SH3GLB1: variants seen among roughly 807,000 people sequenced by gnomAD.
SH3GLB1 encodes SH3 domain containing GRB2 like, endophilin B1.
SH3GLB1 carries 17 observed loss-of-function variants against 42.0 expected under a neutral mutation model. That is an observed-to-expected ratio of 0.40 (90% CI 0.28 to 0.61). The LOEUF is 0.61. Among genes scored for constraint, SH3GLB1 ranks in the 20% least tolerant of loss-of-function variants. The probability of loss-of-function intolerance (pLI) is 0.36; values close to 1 mark genes in which losing one functional copy is unlikely to be tolerated. For synonymous variants in SH3GLB1, 132 were observed against 146.6 expected, an observed-to-expected ratio of 0.90 and a Z score of 0.72; for missense variants, 355 against 426.3, an observed-to-expected ratio of 0.83 and a Z score of 1.47.
At chr1:86,706,506 A>G (rs1157815863) in intron 1 of SH3GLB1, among the ~76,000 whole-genome samples, 1 of 152,188 alleles carries the variant, frequency 6.6e-6, no homozygotes, top group East Asian at 1.9e-4. Context: ...TTTATAGTTA[A>G]AATAATGTTT....
intron 1 of SH3GLB1, among the ~76,000 whole-genome samples, chr1:86,707,229 A>C (rs1653921439): frequency 6.6e-6 from 1 of 152,228 alleles, no homozygotes; most frequent in Non-Finnish European, 1.5e-5. Context: ...TGGTCAGGGC[A>C]AGTCTTTCTA....
At position 86,731,120 on chromosome 1, in the gene SH3GLB1, C is replaced by A. The variant is rs114882344; in HGVS notation, c.571-3482C>A. 5.7e-3 allele frequency among the ~76,000 whole-genome samples: 872 copies of A among 152,230 alleles called. 8 individuals carry two copies. The highest frequency in any genetic ancestry group is 0.021 in the African/African-American group (857 of 41,530). On this transcript the variant is annotated intron_variant, in intron 5 of 8. Transcript: ENST00000370558. ...TCTAATCTTCTGTGGGCTGGGAAAG[C>A]AAGTAATTAAACAAGAATTTAAGGG...
intron 2 of SH3GLB1, among the ~76,000 whole-genome samples, chr1:86,718,920 T>G (rs2101934710): frequency 6.6e-6 from 1 of 152,344 alleles, no homozygotes; most frequent in Non-Finnish European, 1.5e-5. Flanking sequence ...CTTGTATACT[T>G]TAAACATAAA....
intron 7 of SH3GLB1, among the ~76,000 whole-genome samples, chr1:86,741,892 A>G (rs531930444): frequency 6.6e-6 from 1 of 152,274 alleles, no homozygotes; most frequent in East Asian, 1.9e-4. Flanking sequence ...ATTTATAAAG[A>G]AAAGATTAAG....
rs1396366009 is a variant in SH3GLB1, at chr1:86,724,880, A to T, written c.570+475A>T. ...CAGAGCCAGACCCTGTCTTTAAAAA[A>T]AAAAAAAAAAAAATATATATATATA... On this transcript the variant is annotated intron_variant, in intron 5 of 8. Coordinates refer to ENST00000370558, the MANE Select transcript of SH3GLB1 (RefSeq NM_016009.5). 4.8e-5 allele frequency among the ~76,000 whole-genome samples: 5 copies of T among 103,866 alleles called. 1 individual carries two copies. The highest frequency in any genetic ancestry group is 2.2e-4 in the African/African-American group (4 of 18,550). The allele number at this position is 103,866 out of a possible 152,430, so 68.1% of individuals were successfully genotyped here.
intron 5 of SH3GLB1, 71 bp from the exon 6 acceptor site, chr1:86,734,531 C>T (rs1161930742): frequency 8.5e-6 from 9 of 1,057,262 alleles, no homozygotes; most frequent in Non-Finnish European, 1.1e-5. Flanking sequence ...TTTTTTTAAC[C>T]ATCTAAAATA....
At position 86,735,156 on chromosome 1, in the gene SH3GLB1, G is replaced by A. The variant is rs1655719356; in HGVS notation, c.738G>A (p.Leu246=). 1 of 1,611,614 alleles carries A rather than the reference G, an allele frequency of 6.2e-7. No individual in the cohort carries two copies. Among genetic ancestry groups the A allele is most frequent in the African/African-American group, 1.3e-5 (1 of 74,856 alleles). The part of the protein sequence containing the change: ...TYYAQCYQYM[L]DLQKQLGSFP... ...ATGCACAGTGTTACCAGTATATGTT[G>A]GACCTCCAGAAACAACTGGGAAGGT... Residue 246 remains leucine (L), a synonymous_variant, in exon 7 of 9, where the codon TTG becomes TTA. Coordinates refer to ENST00000370558, the MANE Select transcript of SH3GLB1 (RefSeq NM_016009.5).
intron 5 of SH3GLB1, chr1:86,730,345 C>G: frequency 1.0e-6 from 1 of 985,296 alleles, no homozygotes; most frequent in Non-Finnish European, 1.2e-6. Flanking sequence ...TCTTGGATAC[C>G]TGTTATACTA....
Position 86,746,113 on chromosome 1 carries a change from A to G in SH3GLB1, c.*2878A>G, listed in dbSNP as rs932079499. 1 of 152,650 alleles carries G rather than the reference A, an allele frequency of 6.6e-6. No individual in the cohort carries two copies. Among genetic ancestry groups the G allele is most frequent in the Non-Finnish European group, 1.5e-5 (1 of 68,046 alleles). The allele number at this position is 152,650 out of a possible 1,614,324, so 9.5% of individuals were successfully genotyped here. On this transcript the variant is annotated 3_prime_UTR_variant, in exon 9 of 9. Coordinates refer to ENST00000370558, the MANE Select transcript of SH3GLB1 (RefSeq NM_016009.5). ...CTCCTCACTCTGCGTCACATGGGAA[A>G]TAAATCCTGAGGCCAGGATCACCAG...
In SH3GLB1 at chr1:86,733,791, A is replaced by G. The variant is rs550354018; in HGVS notation, c.571-811A>G. Among the ~76,000 whole-genome samples the G allele has an allele frequency of 3.3e-4, 51 of 152,302 alleles. 1 individual carries two copies. The South Asian group carries it at 9.9e-3, about 30-fold the overall frequency. On this transcript the variant is annotated intron_variant, in intron 5 of 8. Transcript: ENST00000370558. ...CATACTGTTATTTACATCTCTTCCC[A>G]GCTCCACAGTGTGTGACTTCACGTT...
At chr1:86,734,327 T>C (rs1655670856) in intron 5 of SH3GLB1, 1 of 235,370 alleles carries the variant, frequency 4.2e-6, no homozygotes, top group African/African-American at 2.2e-5. Flanking sequence ...GGCTTTCTCT[T>C]AGTAGTTTTT....
intron 7 of SH3GLB1, among the ~76,000 whole-genome samples, chr1:86,741,259 T>C (rs1392437939): frequency 6.6e-6 from 1 of 152,178 alleles, no homozygotes; most frequent in Non-Finnish European, 1.5e-5. Context: ...CCAGATGGTA[T>C]AGTGCTCGTG....
intron 1 of SH3GLB1, among the ~76,000 whole-genome samples, chr1:86,710,947 A>G (rs1283123839): frequency 2.0e-5 from 3 of 152,224 alleles, no homozygotes; most frequent in East Asian, 3.8e-4. Context: ...AAATGCCAAT[A>G]TATGAGCTAC....
chr1:86,716,270 G>A (rs1175968552), intron 2 of SH3GLB1, among the ~76,000 whole-genome samples: 2 of 151,758 alleles, frequency 1.3e-5, no homozygotes, highest in Non-Finnish European at 2.9e-5. Flanking sequence ...TTGTTTGTTT[G>A]TTTGTTTGTT....
At chr1:86,731,556 T>C (rs900767093) in intron 5 of SH3GLB1, among the ~76,000 whole-genome samples, 4 of 152,172 alleles carry the variant, frequency 2.6e-5, no homozygotes, top group African/African-American at 4.8e-5. Context: ...AGAATACAGG[T>C]TGAACAAAAA....
At chr1:86,739,717 C>T (rs1273665907) in intron 7 of SH3GLB1, among the ~76,000 whole-genome samples, 3 of 151,844 alleles carry the variant, frequency 2.0e-5, no homozygotes, top group African/African-American at 7.3e-5. Context: ...GGGAATGATA[C>T]ACTAGGTGGA....
intron 5 of SH3GLB1, chr1:86,734,295 A>G (rs1655670626): frequency 1.1e-5 from 2 of 187,246 alleles, no homozygotes; most frequent in African/African-American, 2.3e-5. Flanking sequence ...AATTGATACT[A>G]GAAAATTTAT....
intron 1 of SH3GLB1, among the ~76,000 whole-genome samples, chr1:86,706,197 G>A (rs1479778285): frequency 6.6e-6 from 1 of 152,198 alleles, no homozygotes; most frequent in Admixed American, 6.5e-5. Flanking sequence ...TGCACAACTA[G>A]TAAATAACCA....
chr1:86,717,406 GT>G (rs1039326892), intron 2 of SH3GLB1, among the ~76,000 whole-genome samples: 11 of 150,290 alleles, frequency 7.3e-5, no homozygotes, highest in African/African-American at 2.7e-4. Context: ...TTGTGCTGTG[GT>G]TTTTTTGTTT....
Sources: allele counts gnomAD v4.1 joint callset (sites outside exome capture counted in the v4.1 genomes callset), GRCh38; gene constraint gnomAD v4.1.1; transcripts MANE v1.5; gene names NCBI Gene and HGNC (gene_info 2026-07-23, HGNC 2026-07-21).